AKAP9: variants seen among roughly 807,000 people sequenced by gnomAD.
The protein encoded by AKAP9 is A-kinase anchoring protein 9.
A neutral mutation model predicts 488.5 loss-of-function variants in AKAP9; 311 were observed. The ratio of observed to expected loss-of-function variants is 0.64; its 90% CI spans 0.58 to 0.70. The LOEUF (loss-of-function observed/expected upper bound fraction) is 0.70, where lower values mean the gene tolerates loss of function less well. AKAP9 is among the 30% of genes least tolerant of loss of function. The probability of loss-of-function intolerance (pLI) is 0.00; values close to 1 mark genes in which losing one functional copy is unlikely to be tolerated. For synonymous variants in AKAP9, 1,462 were observed against 1,483.5 expected (o/e 0.99, Z 0.33); for missense variants, 4,215 against 4,374.5 (o/e 0.96, Z 1.03).
At chr7:92,109,302 C>T (rs562284423) in intron 49 of AKAP9, among the ~76,000 whole-genome samples, 1 of 152,308 alleles carries the variant, frequency 6.6e-6, no homozygotes, top group East Asian at 1.9e-4. Context: ...TTTTCCCTAT[C>T]TCACTTCAGT....
chr7:92,050,113 G>A, intron 21 of AKAP9, among the ~76,000 whole-genome samples: 1 of 151,240 alleles, frequency 6.6e-6, no homozygotes, highest in African/African-American at 2.4e-5. Context: ...CGCCCAGGCG[G>A]GAGTGCAGTA....
intron 20 of AKAP9, 66 bp downstream of exon 20, chr7:92,042,837 T>G (rs1806339970): frequency 9.1e-7 from 1 of 1,094,898 alleles, no homozygotes; most frequent in African/African-American, 1.6e-5. Flanking sequence ...GTAATAGACT[T>G]TGTCCTTATT....
At chr7:92,041,017 T>TTTTTTCACAAACTTTATAC in intron 18 of AKAP9, 119 bp downstream of exon 18, 1 of 837,350 alleles carries the variant, frequency 1.2e-6, no homozygotes, top group Non-Finnish European at 1.9e-6. Context: ...TTTTTTTTTT[T>TTTTTTCACAAACTTTATAC]TTGCCGAAAT....
chr7:91,958,777 C>T (rs1027284385), intron 1 of AKAP9, among the ~76,000 whole-genome samples: 1 of 152,026 alleles, frequency 6.6e-6, no homozygotes, highest in Non-Finnish European at 1.5e-5. Context: ...ATAAGTAAAA[C>T]GTTACTTAAA....
At position 92,100,837 on chromosome 7, in the gene AKAP9, T is replaced by A. The variant is rs1563147414; in HGVS notation, c.10897-19T>A. On this transcript the variant is annotated intron_variant, in intron 44 of 49. Coordinates refer to ENST00000356239, the MANE Select transcript of AKAP9 (RefSeq NM_005751.5). ...ACTTTTCTTCAGAGACTTGTGTAAG[T>A]AGGCTGTGGTCTTTGCAGTCTTCCA... 6.2e-7 allele frequency: 1 copy of A among 1,613,934 alleles called. No homozygotes were observed. The highest frequency in any genetic ancestry group is 1.1e-5 in the South Asian group (1 of 91,062).
At chr7:92,061,156 A>C in intron 22 of AKAP9, 104 bp from the exon 23 acceptor site, 1 of 1,301,516 alleles carries the variant, frequency 7.7e-7, no homozygotes, top group Non-Finnish European at 1.1e-6. Context: ...ATTCAGTAGT[A>C]TATCTTTATT....
chr7:91,953,814 C>A (rs996392962), intron 1 of AKAP9, among the ~76,000 whole-genome samples: 1 of 94,086 alleles, frequency 1.1e-5, no homozygotes, highest in Non-Finnish European at 2.4e-5. Context: ...TACCCCCCGC[C>A]CCCCACCACA....
chr7:92,013,619 C>T (rs1801099113), intron 9 of AKAP9, among the ~76,000 whole-genome samples: 1 of 151,996 alleles, frequency 6.6e-6, no homozygotes, highest in African/African-American at 2.4e-5. Flanking sequence ...TTTCCATAAA[C>T]AGTAAGTATT....
chr7:91,972,961 T>C, intron 1 of AKAP9, among the ~76,000 whole-genome samples: 1 of 152,212 alleles, frequency 6.6e-6, no homozygotes, highest in East Asian at 1.9e-4. Context: ...TAGCTAAATC[T>C]TTTTGCATGA....
At chr7:92,044,352 C>A (rs1043578873) in intron 20 of AKAP9, among the ~76,000 whole-genome samples, 20 of 152,128 alleles carry the variant, frequency 1.3e-4, no homozygotes, top group African/African-American at 4.8e-4. Context: ...AAATTTCTGT[C>A]CCTGGAGCAG....
At chr7:92,095,217 A>T (rs1322700160) in intron 40 of AKAP9, 44 bp downstream of exon 40, 2 of 1,608,018 alleles carry the variant, frequency 1.2e-6, no homozygotes, top group South Asian at 2.2e-5. Flanking sequence ...ATCCAGAATG[A>T]TAGAAGAGGG....
intron 1 of AKAP9, among the ~76,000 whole-genome samples, chr7:91,946,320 T>C (rs1336976869): frequency 2.6e-5 from 4 of 152,214 alleles, no homozygotes; most frequent in African/African-American, 9.7e-5. Context: ...GATGCAGCAG[T>C]TTGATAGCTT....
intron 2 of AKAP9, 88 bp from the exon 3 acceptor site, chr7:91,980,201 C>A: frequency 2.7e-6 from 2 of 731,258 alleles, no homozygotes; most frequent in South Asian, 2.1e-5. Flanking sequence ...ACTTTTCTAT[C>A]ATATGTTACC....
At chr7:91,943,670 C>G (rs1025025174) in intron 1 of AKAP9, among the ~76,000 whole-genome samples, 1 of 152,076 alleles carries the variant, frequency 6.6e-6, no homozygotes, top group Non-Finnish European at 1.5e-5. Context: ...TATTAATGCA[C>G]CATAATATAA....
chr7:92,042,261 A>G (rs1657637433), intron 19 of AKAP9, 75 bp downstream of exon 19: 1 of 1,586,574 alleles, frequency 6.3e-7, no homozygotes, highest in Non-Finnish European at 8.6e-7. Flanking sequence ...TGTTGTTGGT[A>G]TGAGATGTAT....
intron 21 of AKAP9, among the ~76,000 whole-genome samples, chr7:92,048,860 C>T (rs975967055): frequency 2.7e-5 from 4 of 148,462 alleles, no homozygotes; most frequent in Non-Finnish European, 6.0e-5. Context: ...GAGCCGAGAT[C>T]ACACCACTGC....
chr7:91,973,556 G>A, intron 1 of AKAP9, 155 bp from the exon 2 acceptor site: 1 of 793,078 alleles, frequency 1.3e-6, no homozygotes, highest in South Asian at 1.9e-5. Context: ...CATTCCAGTA[G>A]TTACATTAAA....
In AKAP9 at chr7:92,002,721, A is replaced by G. The variant is rs1420873115; in HGVS notation, c.2804A>G (p.Glu935Gly). 1.9e-6 allele frequency: 3 copies of G among 1,613,532 alleles called. No individual in the cohort carries two copies. The highest frequency in any genetic ancestry group is 2.5e-6 in the Non-Finnish European group (3 of 1,179,702). ...AETLEMGEVV[E>G]KDTTELMEKL... is the part of the protein sequence containing the mutation. ...ACATTGGAAATGGGTGAGGTTGTTGAAAAGGATACAACAGAACTCATGGAA... is the reference window on the plus strand; with the variant it reads ...ACATTGGAAATGGGTGAGGTTGTTGGAAAGGATACAACAGAACTCATGGAA... Residue 935 changes from glutamate to glycine, a missense_variant, in exon 8 of 50, where the codon GAA becomes GGA. Around this residue, in one of 5 missense-constraint regions of AKAP9, gnomAD observed 2,361 missense variants for 2,430.0 expected, o/e 0.97. Transcript: ENST00000356239.
chr7:92,079,835 G>A lies in AKAP9; in HGVS notation c.7702G>A (p.Ala2568Thr), dbSNP rs762175660. The A allele has an allele frequency of 6.1e-5, 98 of 1,613,916 alleles. No individual in the cohort carries two copies. Among genetic ancestry groups the A allele is most frequent in the South Asian group, 4.0e-4 (36 of 91,086 alleles). ...CCAACTTGAGGCAGTTCAGGAATAT[G>A]CAAAATTCTGTCAAGATAATCAAAC... Reference protein sequence around the residue: ...QIQLEAVQEYAKFCQDNQTIS... With the variant: ...QIQLEAVQEYTKFCQDNQTIS... The change falls in exon 31 of 50, where the codon GCA (alanine) becomes ACA (threonine). Residue 2568 changes from alanine (A) to threonine (T), a missense_variant. This residue lies in a region of AKAP9 where 1,476 missense variants were observed against 1,477.4 expected (regional missense o/e 1.00). Coordinates refer to ENST00000356239, the MANE Select transcript of AKAP9 (RefSeq NM_005751.5).
Sources: allele counts gnomAD v4.1 joint callset (sites outside exome capture counted in the v4.1 genomes callset), GRCh38; gene constraint gnomAD v4.1.1; regional missense constraint gnomAD v4.1.1; transcripts MANE v1.5; gene names NCBI Gene and HGNC (gene_info 2026-07-23, HGNC 2026-07-21).